Variants in BMP2K observed in about 807,000 individuals in gnomAD.
The protein encoded by BMP2K is BMP-2-inducible protein kinase.
A neutral mutation model predicts 116.0 loss-of-function variants in BMP2K; 74 were observed. The ratio of observed to expected loss-of-function variants is 0.64; its 90% CI spans 0.53 to 0.77. The LOEUF is 0.77. Ranked by LOEUF, BMP2K falls within the 30% of genes least tolerant of loss-of-function variation. The pLI is 0.00. For synonymous variants in BMP2K, 486 were observed against 502.5 expected, an observed-to-expected ratio of 0.97 and a Z score of 0.44; for missense variants, 1,365 against 1,403.6, an observed-to-expected ratio of 0.97 and a Z score of 0.44.
At chr4:78,805,331 G>T (rs1226604281) in intron 1 of BMP2K, among the ~76,000 whole-genome samples, 3 of 152,106 alleles carry the variant, frequency 2.0e-5, no homozygotes, top group Non-Finnish European at 2.9e-5. Flanking sequence ...AGTACATTTT[G>T]AAACTGGGAA....
intron 1 of BMP2K, among the ~76,000 whole-genome samples, chr4:78,815,969 T>C (rs369185658): frequency 1.9e-4 from 29 of 152,298 alleles, no homozygotes; most frequent in South Asian, 1.2e-3. Flanking sequence ...ACAACAAACA[T>C]GTTTTACAGT....
chr4:78,823,324 C>G (rs1560515676), intron 1 of BMP2K, among the ~76,000 whole-genome samples: 1 of 151,872 alleles, frequency 6.6e-6, no homozygotes, highest in Non-Finnish European at 1.5e-5. Flanking sequence ...CATGGTTCCT[C>G]TGGGAACTTA....
Position 78,872,778 on chromosome 4 carries a change from C to T in BMP2K, c.1773C>T (p.Asp591=). 2 of 1,614,028 alleles carry T rather than the reference C, an allele frequency of 1.2e-6. No homozygotes were observed. Among genetic ancestry groups the T allele is most frequent in the African/African-American group, 2.7e-5 (2 of 75,056 alleles). The part of the protein sequence containing the change: ...SLPAQVGTIM[D]SSYSANRSVA... ...CAGCTCAGGTTGGAACCATAATGGACTCCTCCTATAGTGCCAATAGGCAAG... is the reference window on the plus strand; with the variant it reads ...CAGCTCAGGTTGGAACCATAATGGATTCCTCCTATAGTGCCAATAGGCAAG... Residue 591 remains aspartate (D), a synonymous_variant, in exon 13 of 16, where the codon GAC becomes GAT. Coordinates refer to ENST00000502613, the MANE Select transcript of BMP2K (RefSeq NM_198892.2).
intron 6 of BMP2K, among the ~76,000 whole-genome samples, chr4:78,848,051 A>G (rs1731091597): frequency 6.6e-6 from 1 of 151,608 alleles, no homozygotes; most frequent in South Asian, 2.1e-4. Flanking sequence ...GTCAGGCGTA[A>G]TGTGTAGAAA....
rs1441682373 is a variant in BMP2K, at chr4:78,885,535, C to T, written c.1952-1639C>T. Among the ~76,000 whole-genome samples, 4 of 152,168 alleles carry T rather than the reference C, an allele frequency of 2.6e-5. No individual in the cohort carries two copies. In the East Asian group the frequency reaches 7.7e-4, roughly 29 times the overall value. On this transcript the variant is annotated intron_variant, in intron 14 of 15. Transcript: ENST00000502613. Reference sequence around the variant, plus strand: ...TGCTGCTTGAACTTGGGGCTTTTTGCTTCACTCCAAAATTAAAAGTCATTT... The same window carrying T: ...TGCTGCTTGAACTTGGGGCTTTTTGTTTCACTCCAAAATTAAAAGTCATTT...
intron 15 of BMP2K, among the ~76,000 whole-genome samples, chr4:78,903,151 T>C (rs546436389): frequency 1.3e-5 from 2 of 151,696 alleles, no homozygotes; most frequent in East Asian, 3.9e-4. Flanking sequence ...CATTATCAAA[T>C]TTTAACACCT....
intron 15 of BMP2K, among the ~76,000 whole-genome samples, chr4:78,909,441 G>A (rs1413097172): frequency 6.6e-6 from 1 of 152,046 alleles, no homozygotes; most frequent in South Asian, 2.1e-4. Flanking sequence ...TGAATTAGAT[G>A]TATAATGAAA....
At chr4:78,839,732 T>A (rs889065024) in intron 3 of BMP2K, among the ~76,000 whole-genome samples, 1 of 152,128 alleles carries the variant, frequency 6.6e-6, no homozygotes, top group Non-Finnish European at 1.5e-5. Flanking sequence ...CTGCAAAAAC[T>A]GAAGCAGTTG....
intron 10 of BMP2K, among the ~76,000 whole-genome samples, chr4:78,867,540 A>G (rs17003475): frequency 0.1 from 15,321 of 151,404 alleles, 2,517 homozygotes; most frequent in African/African-American, 0.35. Context: ...CAATAAGTGC[A>G]TTTTTTTTTA....
intron 1 of BMP2K, among the ~76,000 whole-genome samples, chr4:78,801,737 A>G (rs114321046): frequency 1.4e-3 from 209 of 152,178 alleles, no homozygotes; most frequent in Admixed American, 4.0e-3. Flanking sequence ...TAAAGTTATA[A>G]CTCTGTGCCT....
intron 15 of BMP2K, among the ~76,000 whole-genome samples, chr4:78,905,257 G>C (rs1247479387): frequency 6.6e-6 from 1 of 151,830 alleles, no homozygotes; most frequent in Non-Finnish European, 1.5e-5. Flanking sequence ...CTTGCTTAGT[G>C]TCAGTAATTA....
chr4:78,895,916 C>G (rs961058905), intron 15 of BMP2K, among the ~76,000 whole-genome samples: 1 of 151,932 alleles, frequency 6.6e-6, no homozygotes, highest in African/African-American at 2.4e-5. Context: ...CAGAAGCTAC[C>G]TCGCCCAGCT....
At chr4:78,864,215 CT>C (rs1356019374) in intron 9 of BMP2K, among the ~76,000 whole-genome samples, 2 of 152,106 alleles carry the variant, frequency 1.3e-5, no homozygotes, top group East Asian at 3.9e-4. Context: ...CAGGTCTGGC[CT>C]GTACTAGCCG....
chr4:78,808,892 A>G (rs551873506), intron 1 of BMP2K, among the ~76,000 whole-genome samples: 1 of 152,278 alleles, frequency 6.6e-6, no homozygotes, highest in South Asian at 2.1e-4. Context: ...ATCCTGGAGA[A>G]CGTTCTGTGT....
intron 14 of BMP2K, among the ~76,000 whole-genome samples, chr4:78,885,276 T>C (rs1426621100): frequency 1.3e-5 from 2 of 152,168 alleles, no homozygotes; most frequent in African/African-American, 4.8e-5. Flanking sequence ...GTCATAAAGG[T>C]TTTGAAAGAA....
At chr4:78,794,188 G>A (rs1283695967) in intron 1 of BMP2K, among the ~76,000 whole-genome samples, 8 of 152,028 alleles carry the variant, frequency 5.3e-5, no homozygotes. Context: ...GATCTGGGGG[G>A]GAATCCCTTT....
At chr4:78,789,022 A>G (rs1727879218) in intron 1 of BMP2K, among the ~76,000 whole-genome samples, 1 of 151,714 alleles carries the variant, frequency 6.6e-6, no homozygotes, top group African/African-American at 2.4e-5. Context: ...AAGACGAAAT[A>G]TAGGAAACAA....
rs544545316 is a variant in BMP2K, at chr4:78,793,446, C to T, written c.178+16725C>T. Among the ~76,000 whole-genome samples the T allele has an allele frequency of 6.0e-5, 9 of 150,958 alleles. 1 individual carries two copies. In the South Asian group the frequency reaches 1.5e-3, roughly 25 times the overall value. The stretch of plus-strand genomic sequence containing the variant: ...AAAAATTAAAAAAAAAGTTATGCAC[C>T]GAGTTTATAATTTTAAATGAATTAA... On this transcript the variant is annotated intron_variant, in intron 1 of 15. Coordinates refer to ENST00000502613, the MANE Select transcript of BMP2K (RefSeq NM_198892.2).
chr4:78,784,481 TA>T (rs1727646236), intron 1 of BMP2K, among the ~76,000 whole-genome samples: 2 of 152,236 alleles, frequency 1.3e-5, no homozygotes, highest in Admixed American at 1.3e-4. Context: ...GCTGGGCACT[TA>T]GTTAATTTGG....
Sources: allele counts gnomAD v4.1 joint callset (sites outside exome capture counted in the v4.1 genomes callset), GRCh38; gene constraint gnomAD v4.1.1; transcripts MANE v1.5; gene names NCBI Gene and HGNC (gene_info 2026-07-23, HGNC 2026-07-21).